TLN2: variants seen among roughly 807,000 people sequenced by gnomAD.
TLN2 encodes talin 2.
Under a neutral mutation model 294.7 loss-of-function variants are expected in TLN2, and 118 were observed. That is an observed-to-expected ratio of 0.40 (90% CI 0.34 to 0.47). The LOEUF (loss-of-function observed/expected upper bound fraction) is 0.47, where lower values mean the gene tolerates loss of function less well. Among genes scored for constraint, TLN2 ranks in the 20% least tolerant of loss-of-function variants. TLN2 has a pLI of 0.84. For missense variants in TLN2, 3,083 were observed against 3,282.2 expected (o/e 0.94, Z 1.48); for synonymous variants, 1,431 against 1,304.5 (o/e 1.10, Z -2.09).
Position 62,692,932 on chromosome 15 carries a change from C to T in TLN2, c.1206C>T (p.Ile402=), listed in dbSNP as rs2058040658. Residue 402 remains isoleucine, a synonymous_variant, in exon 13 of 59, where the codon ATC becomes ATT. Coordinates refer to ENST00000636159, the MANE Select transcript of TLN2 (RefSeq NM_015059.3). ...SQLIAGYIDI[I]LKKKQSKDRF... is the part of the protein sequence containing the mutation. ...TGATTGCAGGCTACATTGACATCATCCTGAAAAAGGTATTTTGTATTGATG... is the reference window on the plus strand; with the variant it reads ...TGATTGCAGGCTACATTGACATCATTCTGAAAAAGGTATTTTGTATTGATG... 6.8e-6 allele frequency: 11 copies of T among 1,608,788 alleles called. No homozygotes were observed. Among genetic ancestry groups the T allele is most frequent in the Non-Finnish European group, 9.3e-6 (11 of 1,177,890 alleles).
chr15:62,412,514 G>A (rs540158584), intron 1 of TLN2, among the ~76,000 whole-genome samples: 2 of 152,230 alleles, frequency 1.3e-5, no homozygotes, highest in South Asian at 2.1e-4. Context: ...TTTTTGGCAC[G>A]ACTGGGACCA....
At chr15:62,757,762 G>A (rs1381417877) in intron 37 of TLN2, among the ~76,000 whole-genome samples, 1 of 152,120 alleles carries the variant, frequency 6.6e-6, no homozygotes. Context: ...GTCTCCTGGC[G>A]CACCCTGGGA....
chr15:62,409,404 A>G (rs573367447), intron 1 of TLN2, among the ~76,000 whole-genome samples: 7 of 152,260 alleles, frequency 4.6e-5, no homozygotes, highest in South Asian at 2.1e-4. Flanking sequence ...GATTGTTTAT[A>G]TTGGCATTTG....
chr15:62,665,959 G>C (rs1397631902), intron 9 of TLN2, among the ~76,000 whole-genome samples: 1 of 152,122 alleles, frequency 6.6e-6, no homozygotes, highest in East Asian at 1.9e-4. Context: ...CTGACAGCCC[G>C]GAGCTCTCCT....
At position 62,458,210 on chromosome 15, in the gene TLN2, G is replaced by A. The variant is rs79087474; in HGVS notation, c.-238+67525G>A. Among the ~76,000 whole-genome samples the A allele has an allele frequency of 1.6e-3, 241 of 152,214 alleles. 2 individuals are homozygous for A. Among genetic ancestry groups the A allele is most frequent in the African/African-American group, 5.5e-3 (229 of 41,532 alleles). ...GGGCTTATGTAGCGATGACCAGTGGGGACAAGGCTTACTCTTGTGCCCAGG... is the reference window on the plus strand; with the variant it reads ...GGGCTTATGTAGCGATGACCAGTGGAGACAAGGCTTACTCTTGTGCCCAGG... On this transcript the variant is annotated intron_variant, in intron 1 of 58. Coordinates refer to ENST00000636159, the MANE Select transcript of TLN2 (RefSeq NM_015059.3).
At chr15:62,597,946 CAG>C (rs2046670618) in intron 2 of TLN2, among the ~76,000 whole-genome samples, 1 of 152,112 alleles carries the variant, frequency 6.6e-6, no homozygotes, top group Admixed American at 6.5e-5. Flanking sequence ...TGGCAACACT[CAG>C]AAAGTTTCAG....
chr15:62,840,453 G>C, intron 58 of TLN2, 29 bp from the exon 59 acceptor site: 1 of 1,613,410 alleles, frequency 6.2e-7, no homozygotes, highest in African/African-American at 1.3e-5. Flanking sequence ...AAAGTGTTAG[G>C]TCCATCCAGC....
chr15:62,558,523 G>C (rs533892696), intron 1 of TLN2, among the ~76,000 whole-genome samples: 1 of 151,924 alleles, frequency 6.6e-6, no homozygotes, highest in Non-Finnish European at 1.5e-5. Context: ...CCCGTTCTTA[G>C]TTGGAACAGA....
At chr15:62,692,731 A>G in intron 12 of TLN2, 109 bp from the exon 13 acceptor site, 1 of 754,312 alleles carries the variant, frequency 1.3e-6, no homozygotes, top group Non-Finnish European at 2.2e-6. Flanking sequence ...AGAGAGGAGG[A>G]GCAGGGAAAA....
At chr15:62,592,541 G>A (rs576817900) in intron 2 of TLN2, among the ~76,000 whole-genome samples, 7 of 152,308 alleles carry the variant, frequency 4.6e-5, no homozygotes, top group African/African-American at 1.7e-4. Context: ...ATTACCTGAA[G>A]TCCTAACATG....
At chr15:62,552,778 A>G (rs1278632346) in intron 1 of TLN2, among the ~76,000 whole-genome samples, 2 of 152,238 alleles carry the variant, frequency 1.3e-5, no homozygotes. Flanking sequence ...AACACACATA[A>G]AGCAATATTA....
At chr15:62,689,058 T>TTC (rs758277235) in intron 12 of TLN2, among the ~76,000 whole-genome samples, 7 of 150,260 alleles carry the variant, frequency 4.7e-5, no homozygotes, top group African/African-American at 7.4e-5. Context: ...TCCACTTTAT[T>TTC]TCTCTCTCTC....
intron 1 of TLN2, among the ~76,000 whole-genome samples, chr15:62,578,708 G>T (rs564286991): frequency 3.3e-5 from 5 of 152,274 alleles, no homozygotes; most frequent in Non-Finnish European, 7.4e-5. Context: ...CATGTGGGGA[G>T]GGGGGTAAAG....
intron 1 of TLN2, among the ~76,000 whole-genome samples, chr15:62,392,772 G>A (rs1313835005): frequency 6.6e-6 from 1 of 152,178 alleles, no homozygotes; most frequent in African/African-American, 2.4e-5. Flanking sequence ...GTGTGCAGAG[G>A]GAGGGGAGAG....
At chr15:62,605,612 C>T (rs985355223) in intron 2 of TLN2, among the ~76,000 whole-genome samples, 3 of 149,232 alleles carry the variant, frequency 2.0e-5, no homozygotes, top group Admixed American at 6.8e-5. Flanking sequence ...ATTGAGAATC[C>T]GGTACTTGAC....
intron 1 of TLN2, among the ~76,000 whole-genome samples, chr15:62,402,292 C>A (rs1170598729): frequency 6.6e-6 from 1 of 152,212 alleles, no homozygotes; most frequent in Non-Finnish European, 1.5e-5. Context: ...TAGACCTAAT[C>A]ATTACTGATA....
chr15:62,464,708 G>A (rs992410815), intron 1 of TLN2, among the ~76,000 whole-genome samples: 1 of 152,040 alleles, frequency 6.6e-6, no homozygotes, highest in Non-Finnish European at 1.5e-5. Context: ...GTTGGGTGAT[G>A]GATCACTTTT....
intron 1 of TLN2, among the ~76,000 whole-genome samples, chr15:62,492,776 T>C (rs1406242569): frequency 6.6e-6 from 1 of 152,220 alleles, no homozygotes; most frequent in Non-Finnish European, 1.5e-5. Context: ...AATTGCCTTT[T>C]GTTATGGTAG....
At chr15:62,778,204 C>T (rs4775540) in intron 43 of TLN2, among the ~76,000 whole-genome samples, 149,710 of 152,334 alleles carry the variant, frequency 0.98, 73,613 homozygotes, top group Middle Eastern at 1. Context: ...TGGAATGCTG[C>T]GTCTCCCTTT....
Sources: allele counts gnomAD v4.1 joint callset (sites outside exome capture counted in the v4.1 genomes callset), GRCh38; gene constraint gnomAD v4.1.1; transcripts MANE v1.5; gene names NCBI Gene and HGNC (gene_info 2026-07-23, HGNC 2026-07-21).